FAM241A: variants seen among roughly 807,000 people sequenced by gnomAD.
FAM241A encodes uncharacterized protein FAM241A.
A neutral mutation model predicts 12.2 loss-of-function variants in FAM241A; 7 were observed. The ratio of observed to expected loss-of-function variants is 0.58; its 90% CI spans 0.33 to 1.08. The LOEUF (loss-of-function observed/expected upper bound fraction) is 1.08, where lower values mean the gene tolerates loss of function less well. Among genes scored for constraint, FAM241A ranks in the 50% least tolerant of loss-of-function variants. The pLI is 0.04. For missense variants in FAM241A, 161 were observed against 169.7 expected, an observed-to-expected ratio of 0.95 and a Z score of 0.29; for synonymous variants, 74 against 68.2, an observed-to-expected ratio of 1.08 and a Z score of -0.42.
intron 1 of FAM241A, among the ~76,000 whole-genome samples, chr4:112,149,739 C>G (rs1723209380): frequency 6.6e-6 from 1 of 152,190 alleles, no homozygotes; most frequent in South Asian, 2.1e-4. Flanking sequence ...AAACTTCTAT[C>G]ATATTGTAAG....
intron 1 of FAM241A, among the ~76,000 whole-genome samples, chr4:112,176,638 G>A (rs1723828308): frequency 6.6e-6 from 1 of 152,154 alleles, no homozygotes; most frequent in Non-Finnish European, 1.5e-5. Flanking sequence ...TTACTTAAGG[G>A]TTTACCTTTA....
rs532652662 is a variant in FAM241A at position 112,159,256 on chromosome 4, A to G, written c.153+13523A>G. 3.1e-4 allele frequency among the ~76,000 whole-genome samples: 47 copies of G among 152,310 alleles called. 1 individual carries two copies. The South Asian group carries it at 9.3e-3, about 30-fold the overall frequency. On this transcript the variant is annotated intron_variant, in intron 1 of 1. Coordinates refer to ENST00000309733, the MANE Select transcript of FAM241A (RefSeq NM_152400.3). Reference sequence around the variant, plus strand: ...TCCCAGTCTTAGTAACTATGGTAACATATCTTTCTTCAATCTAGATTCTCA... The same window carrying G: ...TCCCAGTCTTAGTAACTATGGTAACGTATCTTTCTTCAATCTAGATTCTCA...
chr4:112,155,005 C>T (rs893543988), intron 1 of FAM241A, among the ~76,000 whole-genome samples: 2 of 152,074 alleles, frequency 1.3e-5, no homozygotes, highest in Non-Finnish European at 2.9e-5. Flanking sequence ...TGCACTCCAG[C>T]CTGGGCGACA....
chr4:112,159,077 T>C (rs1046613628), intron 1 of FAM241A, among the ~76,000 whole-genome samples: 1 of 152,192 alleles, frequency 6.6e-6, no homozygotes, highest in African/African-American at 2.4e-5. Context: ...ATATTTGTCT[T>C]TCTGTGCCTG....
At chr4:112,163,351 C>G (rs1197236800) in intron 1 of FAM241A, among the ~76,000 whole-genome samples, 1 of 152,152 alleles carries the variant, frequency 6.6e-6, no homozygotes, top group Admixed American at 6.5e-5. Flanking sequence ...GCAAAAGAAA[C>G]TACCATCAGA....
intron 1 of FAM241A, chr4:112,171,220 T>C: frequency 8.4e-6 from 6 of 713,194 alleles, no homozygotes; most frequent in Non-Finnish European, 1.5e-5. Flanking sequence ...GCAAACATGG[T>C]AAACATTCCT....
chr4:112,186,864 C>T lies in FAM241A; in HGVS notation c.325C>T (p.Leu109=). 1.2e-6 allele frequency: 2 copies of T among 1,614,030 alleles called. No individual in the cohort carries two copies. The highest frequency in any genetic ancestry group is 1.7e-6 in the Non-Finnish European group (2 of 1,179,950). Residue 109 remains leucine (L), a synonymous_variant, in exon 2 of 2, where the codon CTG becomes TTG. Transcript: ENST00000309733. ...AATAGTCATTTTCTTTTGGGTTATG[C>T]TGTGGTTCCTTGGCCTGCAAGCCCT... ...PVIVIFFWVM[L]WFLGLQALGL...
chr4:112,180,546 G>A (rs1006441330), intron 1 of FAM241A, among the ~76,000 whole-genome samples: 7 of 152,152 alleles, frequency 4.6e-5, no homozygotes, highest in African/African-American at 9.6e-5. Context: ...AAAAGGTGGC[G>A]AAAAGCTAGG....
intron 1 of FAM241A, among the ~76,000 whole-genome samples, chr4:112,185,483 C>T (rs1385840514): frequency 2.6e-5 from 4 of 152,162 alleles, no homozygotes; most frequent in African/African-American, 7.2e-5. Context: ...CGGATTCTAA[C>T]GCATGCTAAA....
intron 1 of FAM241A, among the ~76,000 whole-genome samples, chr4:112,160,015 A>G (rs1352228685): frequency 6.6e-6 from 1 of 152,226 alleles, no homozygotes; most frequent in Admixed American, 6.5e-5. Flanking sequence ...ATATGATGTT[A>G]TATTTGGAAA....
intron 1 of FAM241A, among the ~76,000 whole-genome samples, chr4:112,183,138 A>T (rs983335005): frequency 1.4e-4 from 22 of 151,824 alleles, no homozygotes; most frequent in Non-Finnish European, 2.4e-4. Flanking sequence ...ATTTTTTTTT[A>T]AACTTTTTTC....
Position 112,190,396 on chromosome 4 carries a change from G to C in FAM241A, c.*3458G>C, listed in dbSNP as rs191495060. On this transcript the variant is annotated 3_prime_UTR_variant, in exon 2 of 2. Coordinates refer to ENST00000309733, the MANE Select transcript of FAM241A (RefSeq NM_152400.3). ...GAAGGGAGAAAAAAAAATGTAAGAC[G>C]GCCAGGCGCGGTGGCTCATCCCTAT... 15 of 151,944 alleles carry C rather than the reference G, an allele frequency of 9.9e-5. No individual in the cohort carries two copies. The East Asian group carries it at 2.9e-3, about 29-fold the overall frequency. The allele number at this position is 151,944 out of a possible 1,614,324, so 9.4% of individuals were successfully genotyped here. A position where few individuals can be genotyped will look rare whatever the true frequency, so the allele number is the denominator to read the frequency against.
intron 1 of FAM241A, among the ~76,000 whole-genome samples, chr4:112,161,388 G>C (rs1289039770): frequency 6.6e-6 from 1 of 152,004 alleles, no homozygotes; most frequent in Non-Finnish European, 1.5e-5. Flanking sequence ...TTTTTGAAAA[G>C]ATCAACAAAA....
At chr4:112,184,602 G>C (rs2110435598) in intron 1 of FAM241A, among the ~76,000 whole-genome samples, 1 of 152,206 alleles carries the variant, frequency 6.6e-6, no homozygotes, top group Non-Finnish European at 1.5e-5. Context: ...CAACAAAGAT[G>C]CCCCAGTGAG....
intron 1 of FAM241A, among the ~76,000 whole-genome samples, chr4:112,146,168 C>T (rs563577728): frequency 6.6e-6 from 1 of 152,262 alleles, no homozygotes; most frequent in African/African-American, 2.4e-5. Context: ...CTTGCGTTTC[C>T]GAGCCCACAC....
chr4:112,181,221 A>G (rs780908415), intron 1 of FAM241A, among the ~76,000 whole-genome samples: 1 of 152,170 alleles, frequency 6.6e-6, no homozygotes, highest in African/African-American at 2.4e-5. Context: ...ATGCTAAGTA[A>G]TGTCCACAAC....
intron 1 of FAM241A, among the ~76,000 whole-genome samples, chr4:112,156,251 T>G (rs533457230): frequency 8.5e-5 from 13 of 152,282 alleles, no homozygotes; most frequent in African/African-American, 3.1e-4. Flanking sequence ...GTCATTTGCC[T>G]GGAACTCTTC....
Position 112,178,001 on chromosome 4 carries a change from C to T in FAM241A, c.154-8692C>T, listed in dbSNP as rs1723857132. 2.6e-5 allele frequency among the ~76,000 whole-genome samples: 4 copies of T among 152,012 alleles called. No individual in the cohort carries two copies. The South Asian group carries it at 8.3e-4, about 31-fold the overall frequency. On this transcript the variant is annotated intron_variant, in intron 1 of 1. Transcript: ENST00000309733. ...ATTTCCATTGTTCCTTCAGCAAATA[C>T]TTATTATGAGTCTATGATGGGCCAG...
rs35306632 is a variant in FAM241A, at chr4:112,190,523, T to TAA, written c.*3603_*3604dup. On this transcript the variant is annotated 3_prime_UTR_variant, in exon 2 of 2. Coordinates refer to ENST00000309733, the MANE Select transcript of FAM241A (RefSeq NM_152400.3). Reference sequence around the variant, plus strand: ...CAACATGGAGAAACCCCGTCTCTACTAAAAAAAAAAAAAAAAAAATACAAA... The same window carrying TAA: ...CAACATGGAGAAACCCCGTCTCTACTAAAAAAAAAAAAAAAAAAAAATACAAA... 21,067 of 121,042 alleles carry TAA rather than the reference T, an allele frequency of 0.17. 2,003 individuals are homozygous for TAA. Among genetic ancestry groups the TAA allele is most frequent in the East Asian group, 0.41 (1,718 of 4,240 alleles). The allele number at this position is 121,042 out of a possible 1,614,324, so 7.5% of individuals were successfully genotyped here. A position where few individuals can be genotyped will look rare whatever the true frequency, so the allele number is the denominator to read the frequency against.
Sources: gnomAD v4.1 joint callset for allele counts (sites outside exome capture counted in the v4.1 genomes callset) on GRCh38, gnomAD v4.1.1 for gene constraint, MANE v1.5 for transcripts, NCBI Gene and HGNC (gene_info 2026-07-23, HGNC 2026-07-21) for gene names.